ADD1: variants seen among roughly 807,000 people sequenced by gnomAD.
ADD1 encodes adducin 1.
A neutral mutation model predicts 80.5 loss-of-function variants in ADD1; 24 were observed. That is an observed-to-expected ratio of 0.30 (90% confidence interval 0.22 to 0.42). The LOEUF (loss-of-function observed/expected upper bound fraction) is 0.42, where lower values mean the gene tolerates loss of function less well. ADD1 is among the 10% of genes least tolerant of loss of function. The pLI is 1.00. For missense variants in ADD1, 948 were observed against 1,019.0 expected (o/e 0.93, Z 0.95); for synonymous variants, 373 against 393.8 (o/e 0.95, Z 0.63).
chr4:2,911,956 C>T (rs999280778), intron 13 of ADD1, among the ~76,000 whole-genome samples: 8 of 152,204 alleles, frequency 5.3e-5, no homozygotes, highest in Non-Finnish European at 8.8e-5. Flanking sequence ...GTAAGCTCAC[C>T]CCTTGGACTC....
rs769868080 is a variant in ADD1 at position 2,928,181 on chromosome 4, G to A, written c.2058G>A (p.Pro686=). Residue 686 remains proline, a synonymous_variant, in exon 16 of 16, where the codon CCG becomes CCA. Transcript: ENST00000683351. ...TPIKLEEDLV[P]EPTTGDDSDA... ...CACCTCACCCACTAGACCTTGTGCC[G>A]GAGCCGACTACTGGAGATGACAGTG... is the stretch of plus-strand genomic sequence containing the variant. 14 of 1,613,818 alleles carry A rather than the reference G, an allele frequency of 8.7e-6. No homozygotes were observed. The highest frequency in any genetic ancestry group is 2.7e-5 in the African/African-American group (2 of 74,866).
At chr4:2,849,989 T>G (rs540542182) in intron 1 of ADD1, among the ~76,000 whole-genome samples, 1 of 152,238 alleles carries the variant, frequency 6.6e-6, no homozygotes, top group Admixed American at 6.5e-5. Context: ...TGAAAACATA[T>G]GTCCGTACAA....
chr4:2,918,862 T>C (rs953098687), intron 14 of ADD1, among the ~76,000 whole-genome samples: 1 of 151,478 alleles, frequency 6.6e-6, no homozygotes, highest in African/African-American at 2.4e-5. Context: ...TTTTTTTTTT[T>C]CTTTCCTGAG....
chr4:2,911,090 G>C (rs966936187), intron 13 of ADD1, among the ~76,000 whole-genome samples: 17 of 152,208 alleles, frequency 1.1e-4, no homozygotes, highest in African/African-American at 3.6e-4. Context: ...GCTCCTTTTG[G>C]AACATGGAGC....
intron 13 of ADD1, among the ~76,000 whole-genome samples, chr4:2,911,448 ATTTT>A (rs33935514): frequency 7.7e-6 from 1 of 130,518 alleles, no homozygotes; most frequent in Non-Finnish European, 1.6e-5. Context: ...ATATATATAT[ATTTT>A]TTTTTTTTTT....
At chr4:2,922,147 A>G (rs941799894) in intron 14 of ADD1, among the ~76,000 whole-genome samples, 11 of 151,996 alleles carry the variant, frequency 7.2e-5, no homozygotes, top group Admixed American at 2.6e-4. Flanking sequence ...CAGTTCATCA[A>G]ACTCATTCTC....
chr4:2,890,626 T>C (rs1372391878), intron 4 of ADD1, among the ~76,000 whole-genome samples: 1 of 152,078 alleles, frequency 6.6e-6, no homozygotes, highest in African/African-American at 2.4e-5. Flanking sequence ...GCCAGGATGG[T>C]CTCCATCTCC....
chr4:2,858,631 T>C (rs1239130515), intron 1 of ADD1, among the ~76,000 whole-genome samples: 1 of 152,214 alleles, frequency 6.6e-6, no homozygotes, highest in Non-Finnish European at 1.5e-5. Context: ...TAAAGTTCAC[T>C]CACATTTGTT....
chr4:2,845,197 C>G (rs965949718), intron 1 of ADD1, among the ~76,000 whole-genome samples: 5 of 152,096 alleles, frequency 3.3e-5, no homozygotes, highest in Admixed American at 6.5e-5. Flanking sequence ...CTCAGCCTCC[C>G]GAGTAGCTGG....
intron 14 of ADD1, among the ~76,000 whole-genome samples, chr4:2,922,394 C>T (rs548734670): frequency 3.3e-5 from 5 of 152,228 alleles, no homozygotes; most frequent in East Asian, 1.9e-4. Context: ...CAGACAGGCT[C>T]CTCTGCTGCA....
chr4:2,853,776 G>A (rs1205162337), intron 1 of ADD1: 2 of 151,592 alleles, frequency 1.3e-5, no homozygotes, highest in African/African-American at 4.8e-5. Flanking sequence ...GCTGGTTTTT[G>A]TATTTTTAAT....
intron 10 of ADD1, chr4:2,905,322 C>T: frequency 1.7e-6 from 1 of 584,894 alleles, no homozygotes. Context: ...TAATGTAACT[C>T]CGCAGTAGTT....
At chr4:2,927,597 G>A (rs1712043665) in intron 15 of ADD1, among the ~76,000 whole-genome samples, 1 of 152,206 alleles carries the variant, frequency 6.6e-6, no homozygotes, top group Admixed American at 6.5e-5. Context: ...CCTGATGCTG[G>A]GTGGAGTTTT....
intron 1 of ADD1, among the ~76,000 whole-genome samples, chr4:2,858,672 T>C (rs1560147488): frequency 6.6e-6 from 1 of 152,202 alleles, no homozygotes; most frequent in East Asian, 1.9e-4. Flanking sequence ...TTATCTTTAG[T>C]TGCTTCACTC....
chr4:2,897,470 G>C (rs1041155542), intron 6 of ADD1, among the ~76,000 whole-genome samples: 2 of 148,234 alleles, frequency 1.3e-5, no homozygotes, highest in African/African-American at 4.9e-5. Flanking sequence ...TAATTTTTAG[G>C]TGTTTCAATG....
Position 2,926,706 on chromosome 4 carries a change from G to A in ADD1, c.2047+594G>A, listed in dbSNP as rs760836905. 25 of 1,608,744 alleles carry A rather than the reference G, an allele frequency of 1.6e-5. No individual in the cohort carries two copies. The highest frequency in any genetic ancestry group is 3.3e-5 in the Admixed American group (2 of 59,832). Reference sequence around the variant, plus strand: ...TACCGTGCTGCCTCCGCTCTCCACCGGTGCCCTGCGCTTTGCCTCATTCTC... The same window carrying A: ...TACCGTGCTGCCTCCGCTCTCCACCAGTGCCCTGCGCTTTGCCTCATTCTC... On this transcript the variant is annotated intron_variant, in intron 15 of 15. Coordinates refer to ENST00000683351, the MANE Select transcript of ADD1 (RefSeq NM_001354761.2). The surrounding 1 kb of genome is among the most constrained non-coding windows in gnomAD (Gnocchi z 5.0).
At chr4:2,895,387 G>C (rs977477339) in intron 6 of ADD1, among the ~76,000 whole-genome samples, 2 of 152,146 alleles carry the variant, frequency 1.3e-5, no homozygotes, top group Non-Finnish European at 2.9e-5. Context: ...GAGAAGAATG[G>C]GAAAAGAAGG....
At chr4:2,888,038 CATT>C (rs1458811870) in intron 4 of ADD1, among the ~76,000 whole-genome samples, 1 of 152,036 alleles carries the variant, frequency 6.6e-6, no homozygotes, top group African/African-American at 2.4e-5. Context: ...AAGAAGGAAA[CATT>C]ATTAATTACA....
intron 13 of ADD1, among the ~76,000 whole-genome samples, chr4:2,912,327 T>G (rs1009397420): frequency 6.6e-6 from 1 of 152,196 alleles, no homozygotes; most frequent in Non-Finnish European, 1.5e-5. Flanking sequence ...GGAATGTGAT[T>G]CTCTGTTCCC....
Sources: allele counts gnomAD v4.1 joint callset (sites outside exome capture counted in the v4.1 genomes callset), GRCh38; gene constraint gnomAD v4.1.1; non-coding constraint Gnocchi (gnomAD v3.1); transcripts MANE v1.5; gene names NCBI Gene and HGNC (gene_info 2026-07-23, HGNC 2026-07-21).